Variants in MGST1 observed in about 807,000 individuals in gnomAD.
The protein encoded by MGST1 is glutathione S-transferase 12.
A neutral mutation model predicts 8.9 loss-of-function variants in MGST1; 5 were observed. The observed-to-expected ratio is 0.56, with a 90% confidence interval of 0.29 to 1.19. The LOEUF (loss-of-function observed/expected upper bound fraction) is 1.19. Ranked by LOEUF, MGST1 falls within the 50% of genes most tolerant of loss-of-function variation. MGST1 has a pLI of 0.08. For synonymous variants in MGST1, 54 were observed against 67.8 expected (o/e 0.80, Z 1.00); for missense variants, 182 against 187.4 (o/e 0.97, Z 0.17).
At chr12:16,428,587 A>C (rs985898721) in intron 1 of MGST1, among the ~76,000 whole-genome samples, 22 of 152,024 alleles carry the variant, frequency 1.4e-4, no homozygotes, top group African/African-American at 5.3e-4. Flanking sequence ...TATGAAATTC[A>C]ATTTTCCTAG....
downstream of MGST1, among the ~76,000 whole-genome samples, chr12:16,366,804 A>G (rs759173484): frequency 3.0e-4 from 45 of 152,234 alleles, no homozygotes; most frequent in Non-Finnish European, 5.4e-4. This position sits in a 1 kb window ranked among gnomAD's most constrained non-coding sequence, Gnocchi z 4.0. Context: ...AGGCAACTCC[A>G]TCACAAGCAG....
intron 1 of MGST1, among the ~76,000 whole-genome samples, chr12:16,388,394 C>T (rs2137049677): frequency 6.6e-6 from 1 of 152,158 alleles, no homozygotes; most frequent in South Asian, 2.1e-4. Flanking sequence ...TAGGATATTA[C>T]TTGTTTGCTT....
chr12:16,572,653 A>AGAG (rs1942855769), intron 4 of MGST1, among the ~76,000 whole-genome samples: 2 of 148,288 alleles, frequency 1.3e-5, no homozygotes, highest in South Asian at 2.1e-4. Context: ...TATTTAAGTC[A>AGAG]GTTACCTCTG....
chr12:16,451,763 A>G (rs907607946), intron 4 of MGST1, among the ~76,000 whole-genome samples: 2 of 151,874 alleles, frequency 1.3e-5, no homozygotes. Flanking sequence ...ATATTATTGC[A>G]TATCTGACTT....
At position 16,364,103 on chromosome 12, in the gene MGST1, A is replaced by G; in HGVS notation, c.*62A>G. Reference sequence around the variant, plus strand: ...AAGAATTCTGTACTTCCAATTTATAATGAATACTTTCTTAGATTTTAGGTA... The same window carrying G: ...AAGAATTCTGTACTTCCAATTTATAGTGAATACTTTCTTAGATTTTAGGTA... On this transcript the variant is annotated 3_prime_UTR_variant, in exon 4 of 4. Transcript: ENST00000396210. This position sits in a 1 kb window ranked among gnomAD's most constrained non-coding sequence, Gnocchi z 5.7. 6.6e-7 allele frequency: 1 copy of G among 1,517,790 alleles called. No individual in the cohort carries two copies. The highest frequency in any genetic ancestry group is 8.8e-7 in the Non-Finnish European group (1 of 1,132,470). The allele number at this position is 1,517,790 out of a possible 1,614,324, so 94.0% of individuals were successfully genotyped here.
rs576182365 is a variant in MGST1 at position 16,477,826 on chromosome 12, C to A, written n.482+94222C>A. Among the ~76,000 whole-genome samples the A allele has an allele frequency of 2.6e-5, 4 of 152,208 alleles. No individual in the cohort carries two copies. In the East Asian group the frequency reaches 7.7e-4, roughly 29 times the overall value. ...TGTCATATTGTCTCAGAGGTGGAAG[C>A]CATCCTGTTTACCTGCTTTTAACAG... On this transcript the variant is annotated intron_variant and non_coding_transcript_variant, in intron 4 of 4. Transcript: ENST00000538857.
At chr12:16,349,379 A>T (rs567441977) in intron 1 of MGST1, among the ~76,000 whole-genome samples, 1 of 151,760 alleles carries the variant, frequency 6.6e-6, no homozygotes, top group African/African-American at 2.4e-5. Flanking sequence ...GTTTGGGGGG[A>T]GGGGTAGAAA....
chr12:16,409,836 A>C (rs1324441244), intron 1 of MGST1, among the ~76,000 whole-genome samples: 1 of 152,164 alleles, frequency 6.6e-6, no homozygotes, highest in African/African-American at 2.4e-5. Context: ...GCTTGCACCA[A>C]GTGCCTCAGG....
At chr12:16,522,098 C>T (rs1196000117) in intron 4 of MGST1, among the ~76,000 whole-genome samples, 1 of 152,134 alleles carries the variant, frequency 6.6e-6, no homozygotes, top group Non-Finnish European at 1.5e-5. Context: ...AAATGTCTCA[C>T]AGGAGATTGT....
chr12:16,378,207 A>C (rs963660877), downstream of MGST1, among the ~76,000 whole-genome samples: 11 of 152,170 alleles, frequency 7.2e-5, no homozygotes, highest in Non-Finnish European at 1.5e-4. Context: ...TGTTTTAGAC[A>C]TGAAGTCCTT....
intron 4 of MGST1, among the ~76,000 whole-genome samples, chr12:16,455,407 A>G (rs2137117959): frequency 1.3e-5 from 2 of 152,026 alleles, no homozygotes; most frequent in South Asian, 4.1e-4. Flanking sequence ...TGATTTCACC[A>G]AGGAAGAAGA....
rs1356928260 is a variant in MGST1, at chr12:16,362,574, A to T, written c.222-1221A>T. The T allele has an allele frequency of 1.3e-5, 2 of 152,206 alleles. No individual in the cohort carries two copies. The highest frequency in any genetic ancestry group is 2.4e-5 in the African/African-American group (1 of 41,450). The allele number at this position is 152,206 out of a possible 1,614,324, so 9.4% of individuals were successfully genotyped here. On this transcript the variant is annotated intron_variant, in intron 3 of 3. Coordinates refer to ENST00000396210, the MANE Select transcript of MGST1 (RefSeq NM_020300.5). This position sits in a 1 kb window ranked among gnomAD's most constrained non-coding sequence, Gnocchi z 4.4. ...ATATCAATAGCTGACAAACTATCAA[A>T]TTCTCCATTTCTAGCCTAGATTCTA...
In MGST1 at chr12:16,489,470, A is replaced by G. The variant is rs12820668; in HGVS notation, n.483-100058A>G. The stretch of plus-strand genomic sequence containing the variant: ...CTGGGTTGCCTGTGTTCCCTTGTTT[A>G]CAATCCAGGGCAACAGCTGGTCAGC... On this transcript the variant is annotated intron_variant and non_coding_transcript_variant, in intron 4 of 4. Coordinates refer to the MGST1 transcript ENST00000538857. Among the ~76,000 whole-genome samples the G allele has an allele frequency of 8.6e-3, 1,311 of 152,254 alleles. 53 individuals carry two copies. In the East Asian group the frequency reaches 0.14, roughly 17 times the overall value.
At chr12:16,545,919 G>T (rs1050073159) in intron 4 of MGST1, among the ~76,000 whole-genome samples, 5 of 151,954 alleles carry the variant, frequency 3.3e-5, no homozygotes, top group African/African-American at 4.8e-5. Context: ...CAATAATAAT[G>T]ACAACAATAT....
intron 4 of MGST1, among the ~76,000 whole-genome samples, chr12:16,566,039 T>TAA (rs1565488443): frequency 8.1e-5 from 7 of 86,506 alleles, no homozygotes; most frequent in Non-Finnish European, 1.1e-4. Flanking sequence ...TATATATATA[T>TAA]AAAATGGAGT....
At chr12:16,440,939 T>A (rs1284799892), downstream of MGST1, among the ~76,000 whole-genome samples, 1 of 151,878 alleles carries the variant, frequency 6.6e-6, no homozygotes, top group Non-Finnish European at 1.5e-5. Flanking sequence ...TATCTCACTA[T>A]AGATTGAATT....
chr12:16,538,278 G>A lies in MGST1; in HGVS notation n.483-51250G>A, dbSNP rs141792001. 5.3e-4 allele frequency among the ~76,000 whole-genome samples: 80 copies of A among 152,194 alleles called. No homozygotes were observed. The East Asian group carries it at 0.012, about 23-fold the overall frequency. On this transcript the variant is annotated intron_variant and non_coding_transcript_variant, in intron 4 of 4. Coordinates refer to the MGST1 transcript ENST00000538857. ...CTCCATCTGAGACCACCTCAGCCTG[G>A]CCCTTATTGTTCAAATCACTATCAT...
chr12:16,367,922 T>TTTTTTTTTTTTTTTTTTGAGACGGA (rs1565440579), downstream of MGST1, among the ~76,000 whole-genome samples: 4 of 152,192 alleles, frequency 2.6e-5, no homozygotes, highest in East Asian at 1.9e-4. Context: ...TCCTGTTTCT[T>TTTTTTTTTTTTTTTTTTGAGACGGA]GGGCTATCCA....
chr12:16,461,097 A>G (rs1297114883), intron 4 of MGST1, among the ~76,000 whole-genome samples: 1 of 151,848 alleles, frequency 6.6e-6, no homozygotes, highest in Non-Finnish European at 1.5e-5. Flanking sequence ...AAGACTATAG[A>G]GTAGAGTGCT....
Sources: gnomAD v4.1 joint callset for allele counts (sites outside exome capture counted in the v4.1 genomes callset) on GRCh38, gnomAD v4.1.1 for gene constraint, Gnocchi (gnomAD v3.1) non-coding constraint, MANE v1.5 for transcripts, NCBI Gene and HGNC (gene_info 2026-07-23, HGNC 2026-07-21) for gene names.